Variants in NTM observed in about 807,000 individuals in gnomAD.
The protein encoded by NTM is IgLON family member 2.
Under a neutral mutation model 42.1 loss-of-function variants are expected in NTM, and 13 were observed. That is an observed-to-expected ratio of 0.31 (90% confidence interval 0.20 to 0.49). The LOEUF (loss-of-function observed/expected upper bound fraction) is 0.49, where lower values mean the gene tolerates loss of function less well. Ranked by LOEUF, NTM falls within the 20% of genes least tolerant of loss-of-function variation. The probability of loss-of-function intolerance (pLI) is 0.99; values close to 1 mark genes in which losing one functional copy is unlikely to be tolerated. For missense variants in NTM, 373 were observed against 452.8 expected, an observed-to-expected ratio of 0.82 and a Z score of 1.60; for synonymous variants, 187 against 179.2, an observed-to-expected ratio of 1.04 and a Z score of -0.35.
chr11:131,530,136 T>TACTTTTTAC (rs1357297005), intron 1 of NTM, among the ~76,000 whole-genome samples: 1 of 152,212 alleles, frequency 6.6e-6, no homozygotes. Context: ...ATTATATTTT[T>TACTTTTTAC]ACCAGGCACT....
intron 1 of NTM, among the ~76,000 whole-genome samples, chr11:131,464,105 C>T (rs185417528): frequency 5.9e-4 from 90 of 152,246 alleles, no homozygotes; most frequent in African/African-American, 2.1e-3. Flanking sequence ...TGAGGGGCTG[C>T]TGAGGGAGGA....
Position 132,272,686 on chromosome 11 carries a change from T to G in NTM, c.527-35003T>G, listed in dbSNP as rs1402478143. 4.6e-5 allele frequency among the ~76,000 whole-genome samples: 7 copies of G among 152,272 alleles called. No individual in the cohort carries two copies. In the East Asian group the frequency reaches 1.3e-3, roughly 29 times the overall value. On this transcript the variant is annotated intron_variant, in intron 4 of 8. Coordinates refer to ENST00000683400, the MANE Select transcript of NTM (RefSeq NM_001352005.2). ...TCATTTTTAGATTGTTTATTGAAAATATATAGAAATACAATTGATTTTTGC... is the reference window on the plus strand; with the variant it reads ...TCATTTTTAGATTGTTTATTGAAAAGATATAGAAATACAATTGATTTTTGC...
intron 1 of NTM, among the ~76,000 whole-genome samples, chr11:131,575,972 C>T (rs1023178583): frequency 6.6e-6 from 1 of 152,160 alleles, no homozygotes; most frequent in South Asian, 2.1e-4. Flanking sequence ...CATTTTATTC[C>T]TTGTCTGATG....
chr11:132,126,024 C>T (rs1262752568), intron 2 of NTM, among the ~76,000 whole-genome samples: 1 of 152,018 alleles, frequency 6.6e-6, no homozygotes, highest in Non-Finnish European at 1.5e-5. Flanking sequence ...GGTGGAGCCT[C>T]GCTTTCCATA....
At chr11:131,821,405 G>C (rs563439190) in intron 1 of NTM, among the ~76,000 whole-genome samples, 6 of 152,342 alleles carry the variant, frequency 3.9e-5, no homozygotes, top group African/African-American at 1.4e-4. Context: ...GCTCTGAGCT[G>C]ATAGGCACTC....
chr11:131,846,449 A>G (rs1565623431), intron 1 of NTM, among the ~76,000 whole-genome samples: 1 of 152,144 alleles, frequency 6.6e-6, no homozygotes, highest in South Asian at 2.1e-4. Context: ...TTAGTAGATG[A>G]TCAGCTCATT....
At chr11:131,867,548 G>A (rs559156647) in intron 1 of NTM, among the ~76,000 whole-genome samples, 41 of 152,054 alleles carry the variant, frequency 2.7e-4, no homozygotes, top group African/African-American at 8.0e-4. Context: ...GTGTGTGTGC[G>A]TGTTTGGGTG....
chr11:132,209,650 G>C (rs1054265403), intron 3 of NTM, among the ~76,000 whole-genome samples: 2 of 152,228 alleles, frequency 1.3e-5, no homozygotes, highest in African/African-American at 4.8e-5. Flanking sequence ...CCGTATAGGA[G>C]ACACTACAGT....
At chr11:131,785,503 C>T (rs1565543785) in intron 1 of NTM, among the ~76,000 whole-genome samples, 1 of 152,156 alleles carries the variant, frequency 6.6e-6, no homozygotes, top group Non-Finnish European at 1.5e-5. Flanking sequence ...ACTTAATTAT[C>T]CTTTTCCACT....
intron 1 of NTM, among the ~76,000 whole-genome samples, chr11:131,828,459 A>C (rs976242206): frequency 6.6e-6 from 1 of 151,674 alleles, no homozygotes; most frequent in Non-Finnish European, 1.5e-5. Flanking sequence ...TACATTGCCA[A>C]CATTACCACC....
At chr11:132,309,078 C>T (rs1447274887) in intron 5 of NTM, among the ~76,000 whole-genome samples, 1 of 152,216 alleles carries the variant, frequency 6.6e-6, no homozygotes, top group Non-Finnish European at 1.5e-5. Context: ...TTTCGTGGTA[C>T]TGAGACCCTA....
At chr11:131,439,855 T>G (rs1227442484) in intron 1 of NTM, among the ~76,000 whole-genome samples, 1 of 151,400 alleles carries the variant, frequency 6.6e-6, no homozygotes, top group Non-Finnish European at 1.5e-5. Context: ...ACCAAGTACC[T>G]CAGTTGGAAA....
At chr11:132,285,943 A>G (rs1338506898) in intron 4 of NTM, among the ~76,000 whole-genome samples, 1 of 152,150 alleles carries the variant, frequency 6.6e-6, no homozygotes, top group Non-Finnish European at 1.5e-5. Context: ...AGAAAAATGG[A>G]GTTCAGCTCA....
chr11:131,544,159 C>T (rs531749345), intron 1 of NTM, among the ~76,000 whole-genome samples: 1 of 152,122 alleles, frequency 6.6e-6, no homozygotes, highest in Non-Finnish European at 1.5e-5. Flanking sequence ...AGAAGCAGGA[C>T]CTTTGATCTT....
chr11:132,277,115 C>T (rs2093758325), intron 4 of NTM, among the ~76,000 whole-genome samples: 1 of 152,162 alleles, frequency 6.6e-6, no homozygotes, highest in South Asian at 2.1e-4. Flanking sequence ...AATTTTACTT[C>T]TTCCTTTCTA....
At chr11:131,759,503 T>C (rs758697520) in intron 1 of NTM, among the ~76,000 whole-genome samples, 1 of 152,164 alleles carries the variant, frequency 6.6e-6, no homozygotes, top group Non-Finnish European at 1.5e-5. Flanking sequence ...TCCTTACCTC[T>C]TCTCTCTTCC....
At chr11:132,251,563 G>GGC (rs1490206806) in intron 4 of NTM, among the ~76,000 whole-genome samples, 1 of 152,160 alleles carries the variant, frequency 6.6e-6, no homozygotes, top group Non-Finnish European at 1.5e-5. Context: ...ATGAGGAAAG[G>GGC]GCAAGGCATG....
chr11:131,738,140 G>A (rs528134655), intron 1 of NTM, among the ~76,000 whole-genome samples: 9 of 152,122 alleles, frequency 5.9e-5, no homozygotes, highest in East Asian at 1.9e-4. Flanking sequence ...ATGGATGGCC[G>A]GGGCCAGCCC....
chr11:132,065,302 C>T (rs2081277435), intron 2 of NTM, among the ~76,000 whole-genome samples: 1 of 152,184 alleles, frequency 6.6e-6, no homozygotes. Flanking sequence ...GCAACATTTT[C>T]CTGCTGTTGA....
Sources: allele counts gnomAD v4.1 joint callset (sites outside exome capture counted in the v4.1 genomes callset), GRCh38; gene constraint gnomAD v4.1.1; transcripts MANE v1.5; gene names NCBI Gene and HGNC (gene_info 2026-07-23, HGNC 2026-07-21).